Variants in GCLC observed in about 807,000 individuals in gnomAD.
GCLC encodes the protein glutamate--cysteine ligase catalytic subunit.
In GCLC, 30 loss-of-function variants were observed where a neutral mutation model predicts 81.5. The ratio of observed to expected loss-of-function variants is 0.37; its 90% CI spans 0.28 to 0.50. The LOEUF is 0.50. Among genes scored for constraint, GCLC ranks in the 20% least tolerant of loss-of-function variants. The pLI, the probability that GCLC is intolerant of heterozygous loss-of-function variation, is 0.96. For synonymous variants in GCLC, 262 were observed against 273.3 expected, an observed-to-expected ratio of 0.96 and a Z score of 0.41; for missense variants, 556 against 777.4, an observed-to-expected ratio of 0.72 and a Z score of 3.39.
rs374577021 is a variant in GCLC, at chr6:53,523,443, T to G, written c.151-916A>C. Reference sequence around the variant, plus strand: ...GGCACCAATACAATTACTACAGAGGTAGGAAACTGATTCCTCACAAGGCAA... The same window carrying G: ...GGCACCAATACAATTACTACAGAGGGAGGAAACTGATTCCTCACAAGGCAA... On this transcript the variant is annotated intron_variant, in intron 1 of 15. Transcript: ENST00000650454. 6.0e-4 allele frequency: 92 copies of G among 152,302 alleles called. 1 individual carries two copies. The highest frequency in any genetic ancestry group is 1.6e-3 in the African/African-American group (68 of 41,550). 9.4% of individuals were successfully genotyped at this position (152,302 alleles called of 1,614,324 possible).
At chr6:53,538,722 A>T (rs1170043637) in intron 1 of GCLC, among the ~76,000 whole-genome samples, 1 of 152,238 alleles carries the variant, frequency 6.6e-6, no homozygotes, top group Admixed American at 6.5e-5. Context: ...GAACATGCTC[A>T]TAAAGATTAA....
At chr6:53,510,803 A>T (rs940954956) in intron 6 of GCLC, among the ~76,000 whole-genome samples, 3 of 152,214 alleles carry the variant, frequency 2.0e-5, no homozygotes, top group Non-Finnish European at 4.4e-5. Context: ...TTATAACCAC[A>T]TTTCATGTCA....
At chr6:53,542,934 G>A (rs1434726793) in intron 1 of GCLC, among the ~76,000 whole-genome samples, 1 of 151,274 alleles carries the variant, frequency 6.6e-6, no homozygotes, top group Non-Finnish European at 1.5e-5. Flanking sequence ...GCTTGAACCC[G>A]GGAGGCTGAG....
chr6:53,536,811 G>A (rs1763265077), intron 1 of GCLC, among the ~76,000 whole-genome samples: 1 of 152,178 alleles, frequency 6.6e-6, no homozygotes, highest in South Asian at 2.1e-4. Flanking sequence ...AGACAGTAGG[G>A]TCTTAACATG....
At chr6:53,517,102 T>TTTTC (rs1764890917) in intron 3 of GCLC, among the ~76,000 whole-genome samples, 1 of 138,232 alleles carries the variant, frequency 7.2e-6, no homozygotes. Flanking sequence ...TTTTTTTTTT[T>TTTTC]CTGAGAAAGG....
intron 12 of GCLC, chr6:53,503,153 T>C (rs1314596142): frequency 1.3e-5 from 2 of 152,206 alleles, no homozygotes; most frequent in Admixed American, 1.3e-4. Context: ...TGGGAGGTCA[T>C]GAAGGCCCTA....
intron 2 of GCLC, 48 bp downstream of exon 2, chr6:53,522,367 G>A: frequency 9.5e-7 from 1 of 1,054,166 alleles, no homozygotes; most frequent in Non-Finnish European, 1.5e-6. Flanking sequence ...CTATATTCTA[G>A]AAGTTTTAGC....
chr6:53,523,790 A>G (rs1250067084), intron 1 of GCLC: 1 of 152,360 alleles, frequency 6.6e-6, no homozygotes, highest in East Asian at 1.9e-4. Context: ...AAATGTTAGT[A>G]ACTGTAGGAG....
chr6:53,515,970 G>C (rs1764863049), intron 4 of GCLC, 139 bp downstream of exon 4: 2 of 670,628 alleles, frequency 3.0e-6, no homozygotes, highest in African/African-American at 3.6e-5. Flanking sequence ...GTGCACATCT[G>C]CTATCTTCTC....
At chr6:53,514,580 G>T in intron 4 of GCLC, 83 bp from the exon 5 acceptor site, 1 of 962,694 alleles carries the variant, frequency 1.0e-6, no homozygotes, top group African/African-American at 1.6e-5. Context: ...ACAAGTAAGT[G>T]GAATGAAATC....
At chr6:53,541,421 G>A (rs183487749) in intron 1 of GCLC, among the ~76,000 whole-genome samples, 5 of 152,156 alleles carry the variant, frequency 3.3e-5, no homozygotes, top group African/African-American at 1.2e-4. Context: ...CCTTTGTGTC[G>A]GGCAACTGTC....
intron 6 of GCLC, chr6:53,510,194 ACATGATGGACTTACGAGGC>A (rs1219061667): frequency 2.6e-5 from 4 of 152,156 alleles, no homozygotes; most frequent in African/African-American, 9.7e-5. Context: ...AGGTGTCATG[ACATGATGGACTTACGAGGC>A]CAAGAGAACA....
At chr6:53,536,361 T>C (rs4715408) in intron 1 of GCLC, among the ~76,000 whole-genome samples, 19,811 of 152,242 alleles carry the variant, frequency 0.13, 2,067 homozygotes, top group Admixed American at 0.3. Context: ...ATGAATATAC[T>C]TATTATCAGA....
At chr6:53,513,227 G>A (rs1764789735) in intron 6 of GCLC, 1 of 152,310 alleles carries the variant, frequency 6.6e-6, no homozygotes, top group South Asian at 2.1e-4. Context: ...GTGAAGGAAG[G>A]CTGGGTTCTG....
Position 53,498,669 on chromosome 6 carries a change from G to T in GCLC, c.*87C>A. On this transcript the variant is annotated 3_prime_UTR_variant, in exon 16 of 16. Coordinates refer to ENST00000650454, the MANE Select transcript of GCLC (RefSeq NM_001498.4). ...AGAAAACAGTACAGTTCTATCATTT[G>T]GTCTTCATATTATACACACGGGCTG... 2.4e-6 allele frequency: 2 copies of T among 848,472 alleles called. No homozygotes were observed. The highest frequency in any genetic ancestry group is 4.0e-6 in the Non-Finnish European group (2 of 495,514). 52.6% of individuals were successfully genotyped at this position (848,472 alleles called of 1,614,324 possible). A position where few individuals can be genotyped will look rare whatever the true frequency, so the allele number is the denominator to read the frequency against.
chr6:53,518,207 A>C (rs1352140690), intron 3 of GCLC, among the ~76,000 whole-genome samples: 1 of 151,944 alleles, frequency 6.6e-6, no homozygotes, highest in African/African-American at 2.4e-5. Context: ...CTCTGTCTCA[A>C]CTTTCCCTTC....
In GCLC at chr6:53,508,710, A is replaced by G; in HGVS notation, c.830T>C (p.Met277Thr). Reference sequence around the variant, plus strand: ...AAAGGGAGATGCAGCACTCAAAGCCATCTAAAAACAAACAAAAGTCAGCTC... The same window carrying G: ...AAAGGGAGATGCAGCACTCAAAGCCGTCTAAAAACAAACAAAAGTCAGCTC... ...DQLATICPIV[M>T]ALSAASPFYR... The change falls in exon 8 of 16, where the codon ATG becomes ACG. Residue 277 changes from methionine (M) to threonine (T), a missense_variant and splice_region_variant. Physicochemically the swap from Met to Thr is moderately conservative, Grantham distance 81 (BLOSUM62 -1). Coordinates refer to ENST00000650454, the MANE Select transcript of GCLC (RefSeq NM_001498.4). 6.2e-7 allele frequency: 1 copy of G among 1,605,692 alleles called. No individual in the cohort carries two copies. Among genetic ancestry groups the G allele is most frequent in the Non-Finnish European group, 8.5e-7 (1 of 1,172,346 alleles).
intron 1 of GCLC, among the ~76,000 whole-genome samples, chr6:53,543,013 A>C (rs940530429): frequency 2.5e-4 from 38 of 152,202 alleles, no homozygotes; most frequent in African/African-American, 8.4e-4. Context: ...TGTCTCAAAA[A>C]AAAAGAGCAG....
chr6:53,515,674 CTATTATATA>C (rs1263647111), intron 4 of GCLC, among the ~76,000 whole-genome samples: 5 of 151,912 alleles, frequency 3.3e-5, no homozygotes, highest in Admixed American at 3.3e-4. Context: ...AAGAGAGTGC[CTATTATATA>C]TATCAGGTAC....
Sources: allele counts gnomAD v4.1 joint callset (sites outside exome capture counted in the v4.1 genomes callset), GRCh38; gene constraint gnomAD v4.1.1; transcripts MANE v1.5; gene names NCBI Gene and HGNC (gene_info 2026-07-23, HGNC 2026-07-21).